The following CTBP2 variants were observed in gnomAD, a reference collection of about 807,000 sequenced individuals.
The protein encoded by CTBP2 is C-terminal-binding protein 2.
In CTBP2, 30 loss-of-function variants were observed where a neutral mutation model predicts 80.3. That is an observed-to-expected ratio of 0.37 (90% CI 0.28 to 0.51). The LOEUF (loss-of-function observed/expected upper bound fraction) is 0.51. CTBP2 is among the 20% of genes least tolerant of loss of function. The probability of loss-of-function intolerance (pLI) is 0.93; values close to 1 mark genes in which losing one functional copy is unlikely to be tolerated. For synonymous variants in CTBP2, 594 were observed against 587.4 expected (o/e 1.01, Z -0.16); for missense variants, 1,212 against 1,375.3 (o/e 0.88, Z 1.88).
At chr10:125,024,176 T>G (rs1038538134) in intron 1 of CTBP2, among the ~76,000 whole-genome samples, 2 of 152,188 alleles carry the variant, frequency 1.3e-5, no homozygotes, top group African/African-American at 4.8e-5. Flanking sequence ...GTACAAAACG[T>G]ACAGCCATGT....
Position 124,986,131 on chromosome 10 carries a change from TAAG to T in CTBP2, c.*3384_*3386del, listed in dbSNP as rs942386405. The T allele has an allele frequency of 3.3e-5, 5 of 152,650 alleles. No homozygotes were observed. The highest frequency in any genetic ancestry group is 7.3e-5 in the Non-Finnish European group (5 of 68,044). The allele number at this position is 152,650 out of a possible 1,614,324, so 9.5% of individuals were successfully genotyped here. A position where few individuals can be genotyped will look rare whatever the true frequency, so the allele number is the denominator to read the frequency against. Reference sequence around the variant, plus strand: ...AATCTTAGGTAGAAAAACTTTTTTATAAGAAGTATTATTTGACCACTTCAGGTA... The same window carrying T: ...AATCTTAGGTAGAAAAACTTTTTTATAAGTATTATTTGACCACTTCAGGTA... On this transcript the variant is annotated 3_prime_UTR_variant, in exon 9 of 9. Coordinates refer to ENST00000309035, the MANE Select transcript of CTBP2 (RefSeq NM_022802.3).
At chr10:125,159,391 G>A (rs1368356835) in intron 1 of CTBP2, among the ~76,000 whole-genome samples, 1 of 145,096 alleles carries the variant, frequency 6.9e-6, no homozygotes, top group Non-Finnish European at 1.5e-5. Flanking sequence ...CGGCCGGGCA[G>A]AGGAAATGCC....
At chr10:125,080,412 G>C (rs945468468) in intron 2 of CTBP2, among the ~76,000 whole-genome samples, 24 of 152,298 alleles carry the variant, frequency 1.6e-4, no homozygotes, top group Admixed American at 1.2e-3. Context: ...TGGGCCATGA[G>C]AGTGCACTCT....
intron 1 of CTBP2, among the ~76,000 whole-genome samples, chr10:125,134,904 C>T (rs576130673): frequency 4.3e-4 from 60 of 140,902 alleles, no homozygotes; most frequent in African/African-American, 1.9e-3. Flanking sequence ...CCCCTGCCCC[C>T]GGTATACTCA....
intron 1 of CTBP2, among the ~76,000 whole-genome samples, chr10:125,016,325 T>G (rs1345227033): frequency 6.6e-6 from 1 of 152,246 alleles, no homozygotes; most frequent in East Asian, 1.9e-4. Context: ...AGGGGATGGC[T>G]GCCCATGAGT....
At chr10:125,135,844 G>A (rs1366615915) in intron 1 of CTBP2, among the ~76,000 whole-genome samples, 1 of 152,190 alleles carries the variant, frequency 6.6e-6, no homozygotes, top group Non-Finnish European at 1.5e-5. Flanking sequence ...CTGTCAGTCA[G>A]GTGTGCATTT....
At chr10:125,002,929 C>T (rs376708829) in intron 3 of CTBP2, 31 bp downstream of exon 5, 88 of 1,609,956 alleles carry the variant, frequency 5.5e-5, no homozygotes, top group Non-Finnish European at 5.9e-5. Context: ...CTCCGGACAA[C>T]TCCAGGCAGC....
chr10:124,992,839 A>T (rs200318561), intron 7 of CTBP2, 27 bp from the exon 10 acceptor site: 1 of 1,533,256 alleles, frequency 6.5e-7, no homozygotes, highest in Non-Finnish European at 9.0e-7. Flanking sequence ...AAAATTAATC[A>T]TATTATTTTT....
chr10:125,159,134 C>G lies in CTBP2; in HGVS notation c.-206+1185G>C, dbSNP rs1238342827. On this transcript the variant is annotated intron_variant, in intron 1 of 10. Transcript: ENST00000337195. ...GGAGAGAAAGAAAGGCGCTTCCCCT[C>G]GGCCGCGCGGGGCCGTCCGGCGCCG... Among the ~76,000 whole-genome samples, 5 of 150,716 alleles carry G rather than the reference C, an allele frequency of 3.3e-5. 1 individual carries two copies. In the South Asian group the frequency reaches 6.2e-4, roughly 19 times the overall value.
chr10:125,148,357 G>A (rs931423034), intron 1 of CTBP2, among the ~76,000 whole-genome samples: 4 of 152,152 alleles, frequency 2.6e-5, no homozygotes, highest in African/African-American at 4.8e-5. Flanking sequence ...AGCTACAGGC[G>A]TGACCAAAAA....
intron 2 of CTBP2, among the ~76,000 whole-genome samples, chr10:125,062,381 G>A (rs957558469): frequency 5.9e-5 from 9 of 152,194 alleles, no homozygotes; most frequent in Non-Finnish European, 7.3e-5. Context: ...GAGAACGCAC[G>A]TGAAATGAGG....
At chr10:125,133,309 G>A (rs1313392432) in intron 1 of CTBP2, among the ~76,000 whole-genome samples, 3 of 152,110 alleles carry the variant, frequency 2.0e-5, no homozygotes, top group Non-Finnish European at 4.4e-5. Context: ...GATGGGAGAG[G>A]ACAGGTCAAG....
rs35954920 is a variant in CTBP2 at position 124,987,362 on chromosome 10, T to TTATATA, written c.*2150_*2155dup. 15 of 150,224 alleles carry TTATATA rather than the reference T, an allele frequency of 1.0e-4. No individual in the cohort carries two copies. Among genetic ancestry groups the TTATATA allele is most frequent in the East Asian group, 7.9e-4 (4 of 5,084 alleles). The allele number at this position is 150,224 out of a possible 1,614,324, so 9.3% of individuals were successfully genotyped here. On this transcript the variant is annotated 3_prime_UTR_variant, in exon 9 of 9. Coordinates refer to ENST00000309035, the MANE Select transcript of CTBP2 (RefSeq NM_022802.3). ...GACTTGTTCTTCCTTGGGGTCAAATTTATATATATATATATAAATTTTTGT... is the reference window on the plus strand; with the variant it reads ...GACTTGTTCTTCCTTGGGGTCAAATTTATATATATATATATATATATAAATTTTTGT...
At chr10:125,004,345 G>A (rs1048703319) in intron 1 of CTBP2, among the ~76,000 whole-genome samples, 2 of 152,202 alleles carry the variant, frequency 1.3e-5, no homozygotes, top group Non-Finnish European at 2.9e-5. Flanking sequence ...TGCGGGGCCC[G>A]CCCAGGATGC....
chr10:125,029,696 T>A (rs1174681358), upstream of CTBP2, among the ~76,000 whole-genome samples: 3 of 152,232 alleles, frequency 2.0e-5, no homozygotes, highest in African/African-American at 7.2e-5. Flanking sequence ...GTGGATAAAC[T>A]TGGAGCATTC....
At chr10:125,063,344 G>A (rs938391390) in intron 2 of CTBP2, among the ~76,000 whole-genome samples, 11 of 152,086 alleles carry the variant, frequency 7.2e-5, no homozygotes, top group Admixed American at 2.0e-4. Context: ...AGCCACATAC[G>A]TGTTTTACCC....
intron 1 of CTBP2, among the ~76,000 whole-genome samples, chr10:125,128,372 T>C (rs970040957): frequency 6.6e-6 from 1 of 151,984 alleles, no homozygotes; most frequent in African/African-American, 2.4e-5. Context: ...GAGAGCATGG[T>C]ATTTTGGGGA....
chr10:125,004,016 T>C (rs573603008), intron 1 of CTBP2, among the ~76,000 whole-genome samples: 3 of 152,296 alleles, frequency 2.0e-5, no homozygotes, highest in Admixed American at 6.5e-5. Flanking sequence ...AGGAGGCCTC[T>C]AGGGGCTCAG....
chr10:125,073,298 C>T (rs888692318), intron 2 of CTBP2, among the ~76,000 whole-genome samples: 1 of 152,220 alleles, frequency 6.6e-6, no homozygotes, highest in African/African-American at 2.4e-5. Flanking sequence ...TGCAGTGACG[C>T]CATCTTGGCT....
Sources: gnomAD v4.1 joint callset for allele counts (sites outside exome capture counted in the v4.1 genomes callset) on GRCh38, gnomAD v4.1.1 for gene constraint, MANE v1.5 for transcripts, NCBI Gene and HGNC (gene_info 2026-07-23, HGNC 2026-07-21) for gene names.